THSD7A: variants seen among roughly 807,000 people sequenced by gnomAD.
THSD7A encodes thrombospondin type-1 domain-containing protein 7A.
A neutral mutation model predicts 231.3 loss-of-function variants in THSD7A; 96 were observed. That is an observed-to-expected ratio of 0.41 (90% CI 0.35 to 0.49). The LOEUF is 0.49. THSD7A is among the 20% of genes least tolerant of loss of function. The probability of loss-of-function intolerance (pLI) is 0.05; values close to 1 mark genes in which losing one functional copy is unlikely to be tolerated. For missense variants in THSD7A, 2,290 were observed against 2,070.2 expected, an observed-to-expected ratio of 1.11 and a Z score of -2.06; for synonymous variants, 940 against 743.3, an observed-to-expected ratio of 1.26 and a Z score of -4.30.
chr7:11,782,380 TAAAG>T (rs1288895522), intron 1 of THSD7A, among the ~76,000 whole-genome samples: 1 of 152,098 alleles, frequency 6.6e-6, no homozygotes, highest in Non-Finnish European at 1.5e-5. Context: ...TTGCAAAAGA[TAAAG>T]AAAGCTTTTA....
chr7:11,751,796 C>T (rs931137042), intron 1 of THSD7A, among the ~76,000 whole-genome samples: 1 of 152,078 alleles, frequency 6.6e-6, no homozygotes. Flanking sequence ...ATTTCTGACC[C>T]AGGATAACCC....
chr7:11,648,889 A>G (rs1008118252), intron 1 of THSD7A, among the ~76,000 whole-genome samples: 1 of 151,896 alleles, frequency 6.6e-6, no homozygotes, highest in East Asian at 1.9e-4. Flanking sequence ...CAATAAATAG[A>G]CTGTGGCAAT....
chr7:11,439,686 T>G (rs955950538), intron 13 of THSD7A, among the ~76,000 whole-genome samples: 2 of 152,010 alleles, frequency 1.3e-5, no homozygotes, highest in African/African-American at 4.8e-5. Context: ...AAAGCCTAAT[T>G]GAGCAAGATC....
chr7:11,461,789 T>C (rs1785513543), intron 10 of THSD7A, among the ~76,000 whole-genome samples: 1 of 152,202 alleles, frequency 6.6e-6, no homozygotes, highest in African/African-American at 2.4e-5. Context: ...AGCTAACACG[T>C]CACCTTGGAA....
intron 1 of THSD7A, among the ~76,000 whole-genome samples, chr7:11,758,034 T>A (rs1355451825): frequency 8.2e-6 from 1 of 121,976 alleles, no homozygotes; most frequent in Non-Finnish European, 1.7e-5. Context: ...TATATATATA[T>A]ATATAATGTT....
intron 1 of THSD7A, among the ~76,000 whole-genome samples, chr7:11,707,189 C>T (rs1473090375): frequency 6.6e-6 from 1 of 150,786 alleles, no homozygotes; most frequent in African/African-American, 2.4e-5. Flanking sequence ...TCTTCTTTAG[C>T]CATAATACCA....
At position 11,371,814 on chromosome 7, in the gene THSD7A, T is replaced by C. The variant is rs1782065672; in HGVS notation, c.*3980A>G. On this transcript the variant is annotated 3_prime_UTR_variant, in exon 28 of 28. Coordinates refer to ENST00000423059, the MANE Select transcript of THSD7A (RefSeq NM_015204.3). ...TCCCTTTATTCATTTCTTTGACCAG[T>C]GGATTTGGTGTAAATCAGGATGTTC... 6.6e-6 allele frequency: 1 copy of C among 150,958 alleles called. No homozygotes were observed. The highest frequency in any genetic ancestry group is 2.4e-5 in the African/African-American group (1 of 40,952). 9.4% of individuals were successfully genotyped at this position (150,958 alleles called of 1,614,324 possible).
At chr7:11,448,991 C>G (rs751199873) in intron 11 of THSD7A, among the ~76,000 whole-genome samples, 8 of 152,012 alleles carry the variant, frequency 5.3e-5, no homozygotes, top group Admixed American at 1.3e-4. Flanking sequence ...TTAAGTGTCT[C>G]AAAGAGAATC....
At chr7:11,809,855 TA>T (rs1423645227) in intron 1 of THSD7A, among the ~76,000 whole-genome samples, 1 of 152,130 alleles carries the variant, frequency 6.6e-6, no homozygotes, top group East Asian at 1.9e-4. Flanking sequence ...TGGCTCAAGA[TA>T]AATAGAGCTG....
chr7:11,621,036 T>A (rs1452699890), intron 2 of THSD7A, among the ~76,000 whole-genome samples: 1 of 152,218 alleles, frequency 6.6e-6, no homozygotes, highest in African/African-American at 2.4e-5. Context: ...ATGTCACCAG[T>A]GCACTTTTAC....
intron 1 of THSD7A, among the ~76,000 whole-genome samples, chr7:11,699,404 AG>A (rs1315829592): frequency 6.6e-6 from 1 of 151,300 alleles, no homozygotes; most frequent in East Asian, 2.0e-4. Context: ...TGTAGTAAAA[AG>A]TACTAATTTA....
At chr7:11,518,613 A>ACACACACACACACACACG in intron 6 of THSD7A, among the ~76,000 whole-genome samples, 1 of 151,732 alleles carries the variant, frequency 6.6e-6, no homozygotes, top group African/African-American at 2.4e-5. Flanking sequence ...ACACACACAC[A>ACACACACACACACACACG]CACACACGCA....
intron 1 of THSD7A, among the ~76,000 whole-genome samples, chr7:11,787,749 A>C (rs1783835563): frequency 6.6e-6 from 1 of 152,100 alleles, no homozygotes; most frequent in South Asian, 2.1e-4. Flanking sequence ...AACCATGACA[A>C]CATCTAAAGC....
chr7:11,763,650 G>A (rs1782935163), intron 1 of THSD7A, among the ~76,000 whole-genome samples: 1 of 152,236 alleles, frequency 6.6e-6, no homozygotes, highest in Middle Eastern at 3.4e-3. Flanking sequence ...TAAACAGTAA[G>A]AAATTAGGTT....
intron 17 of THSD7A, among the ~76,000 whole-genome samples, chr7:11,415,330 A>C (rs937156366): frequency 6.6e-5 from 10 of 152,208 alleles, no homozygotes; most frequent in African/African-American, 2.4e-4. Context: ...GGGCATCATG[A>C]ATAACTTGCT....
At position 11,605,206 on chromosome 7, in the gene THSD7A, A is replaced by G. The variant is rs73290863; in HGVS notation, c.1023-11704T>C. On this transcript the variant is annotated intron_variant, in intron 2 of 27. Transcript: ENST00000423059. ...CATGTATATATGTATATATGTATCTATCTATAGATATAGACACAGATATAT... is the reference window on the plus strand; with the variant it reads ...CATGTATATATGTATATATGTATCTGTCTATAGATATAGACACAGATATAT... Among the ~76,000 whole-genome samples the G allele has an allele frequency of 4.0e-3, 615 of 152,154 alleles. 3 individuals carry two copies. The highest frequency in any genetic ancestry group is 0.014 in the African/African-American group (567 of 41,502).
At chr7:11,769,774 A>G (rs1487730029) in intron 1 of THSD7A, among the ~76,000 whole-genome samples, 1 of 152,114 alleles carries the variant, frequency 6.6e-6, no homozygotes, top group Admixed American at 6.6e-5. Flanking sequence ...TATTTGTGGC[A>G]GTTAAATTCT....
chr7:11,391,341 G>T (rs906260130), intron 23 of THSD7A, among the ~76,000 whole-genome samples: 6 of 152,230 alleles, frequency 3.9e-5, no homozygotes, highest in Admixed American at 2.0e-4. Context: ...CAGCAGACTT[G>T]CTGAGCTGTT....
intron 1 of THSD7A, among the ~76,000 whole-genome samples, chr7:11,700,495 A>T (rs186262306): frequency 1.8e-3 from 273 of 151,382 alleles, no homozygotes; most frequent in Middle Eastern, 0.01. Flanking sequence ...TAATAAATAT[A>T]TTGACTCCAG....
Sources: allele counts gnomAD v4.1 joint callset (sites outside exome capture counted in the v4.1 genomes callset), GRCh38; gene constraint gnomAD v4.1.1; transcripts MANE v1.5; gene names NCBI Gene and HGNC (gene_info 2026-07-23, HGNC 2026-07-21).